Variants in RANBP10 observed in about 807,000 individuals in gnomAD.
RANBP10 encodes the protein ran-binding protein 10.
A neutral mutation model predicts 72.8 loss-of-function variants in RANBP10; 24 were observed. That is an observed-to-expected ratio of 0.33 (90% CI 0.24 to 0.46). RANBP10 has a LOEUF of 0.46. RANBP10 is among the 20% of genes least tolerant of loss of function. The probability of loss-of-function intolerance (pLI) is 1.00; values close to 1 mark genes in which losing one functional copy is unlikely to be tolerated. For synonymous variants in RANBP10, 310 were observed against 322.3 expected, an observed-to-expected ratio of 0.96 and a Z score of 0.41; for missense variants, 679 against 817.5, an observed-to-expected ratio of 0.83 and a Z score of 2.07.
At chr16:67,785,499 A>G (rs1012263998) in intron 2 of RANBP10, among the ~76,000 whole-genome samples, 1 of 152,034 alleles carries the variant, frequency 6.6e-6, no homozygotes, top group East Asian at 1.9e-4. Flanking sequence ...AGGCTGAGGC[A>G]GGCGGACCAC....
At chr16:67,788,183 T>C (rs1331398726) in intron 2 of RANBP10, among the ~76,000 whole-genome samples, 11 of 151,920 alleles carry the variant, frequency 7.2e-5, no homozygotes, top group African/African-American at 1.9e-4. Context: ...GGAACTTTGA[T>C]TGACTGACTG....
At chr16:67,799,268 T>C (rs9928531) in intron 2 of RANBP10, among the ~76,000 whole-genome samples, 44,271 of 149,324 alleles carry the variant, frequency 0.3, 9,863 homozygotes, top group African/African-American at 0.63. Context: ...CGACCTCATG[T>C]TCTGCGCTCC....
intron 4 of RANBP10, among the ~76,000 whole-genome samples, chr16:67,740,098 CTTT>C (rs892700613): frequency 1.9e-4 from 25 of 131,258 alleles, no homozygotes; most frequent in African/African-American, 6.5e-4. Context: ...CAGGTTCACA[CTTT>C]TTTTTTTTTT....
chr16:67,740,306 C>T (rs546825663), intron 4 of RANBP10, among the ~76,000 whole-genome samples: 13 of 152,002 alleles, frequency 8.6e-5, no homozygotes, highest in African/African-American at 2.9e-4. Flanking sequence ...GGGGTTTCAC[C>T]GTGTTAGCCA....
At chr16:67,761,849 G>A (rs2054400897) in intron 3 of RANBP10, among the ~76,000 whole-genome samples, 1 of 152,136 alleles carries the variant, frequency 6.6e-6, no homozygotes, top group Non-Finnish European at 1.5e-5. Flanking sequence ...GGAGTTATAG[G>A]CGTAAGCCAC....
rs187614791 is a variant in RANBP10 at position 67,781,648 on chromosome 16, G to A, written c.348-9562C>T. Among the ~76,000 whole-genome samples the A allele has an allele frequency of 6.0e-4, 92 of 152,292 alleles. 1 individual carries two copies. In the East Asian group the frequency reaches 0.014, roughly 24 times the overall value. On this transcript the variant is annotated intron_variant, in intron 2 of 13. Coordinates refer to ENST00000317506, the MANE Select transcript of RANBP10 (RefSeq NM_020850.3). ...GAGGTGAGACAGGAAGCACAGAGAG[G>A]CAACAGACAAGCTCTTCGTGGCAGT...
In RANBP10 at chr16:67,729,384, G is replaced by C. The variant is rs113153588; in HGVS notation, c.1248C>G (p.Ser416=). 6 of 1,613,482 alleles carry C rather than the reference G, an allele frequency of 3.7e-6. No homozygotes were observed. The highest frequency in any genetic ancestry group is 1.3e-5 in the African/African-American group (1 of 74,874). The change falls in exon 10 of 14, where the codon TCC becomes TCG. Residue 416 remains serine, a synonymous_variant. Transcript: ENST00000317506. The surrounding 1 kb of genome is among the most constrained non-coding windows in gnomAD (Gnocchi z 7.1). ...PAPSSSSSSS[S]SSSSSSPSSV... ...AGGATGGGGAAGAGGACGAGGAGGA[G>C]GAGGAGGACGAGGATGAGGAGCTGG...
chr16:67,792,976 C>G (rs2055056546), intron 2 of RANBP10, among the ~76,000 whole-genome samples: 2 of 152,024 alleles, frequency 1.3e-5, no homozygotes, highest in South Asian at 4.2e-4. Context: ...GCAGGTTACA[C>G]ATCCTTGGTT....
At chr16:67,806,217 G>T in intron 1 of RANBP10, 85 bp downstream of exon 1, 1 of 1,296,004 alleles carries the variant, frequency 7.7e-7, no homozygotes. Context: ...GGCAGGGAAA[G>T]GGAGGTGATA....
At chr16:67,779,513 T>C (rs1038981548) in intron 2 of RANBP10, among the ~76,000 whole-genome samples, 1 of 152,152 alleles carries the variant, frequency 6.6e-6, no homozygotes, top group African/African-American at 2.4e-5. Flanking sequence ...CATTCTCCTG[T>C]ACACATACTG....
At chr16:67,754,911 G>A (rs968341437) in intron 3 of RANBP10, among the ~76,000 whole-genome samples, 14 of 152,202 alleles carry the variant, frequency 9.2e-5, no homozygotes, top group African/African-American at 3.4e-4. Flanking sequence ...ATGTCTACTT[G>A]TAGGAAACAT....
rs1204079272 is a variant in RANBP10 at position 67,725,217 on chromosome 16, T to C, written c.*1211A>G. The stretch of plus-strand genomic sequence containing the variant: ...AGCTGCAGGGAGCTGTCTGGCACAG[T>C]GGCAGTGAAGTCTGGCCTAGGGGAC... On this transcript the variant is annotated 3_prime_UTR_variant, in exon 14 of 14. Coordinates refer to ENST00000317506, the MANE Select transcript of RANBP10 (RefSeq NM_020850.3). The C allele has an allele frequency of 6.6e-6, 1 of 152,552 alleles. No individual in the cohort carries two copies. The highest frequency in any genetic ancestry group is 1.5e-5 in the Non-Finnish European group (1 of 68,116). The allele number at this position is 152,552 out of a possible 1,614,324, so 9.4% of individuals were successfully genotyped here. A position where few individuals can be genotyped will look rare whatever the true frequency, so the allele number is the denominator to read the frequency against.
rs572663897 is a variant in RANBP10 at position 67,726,319 on chromosome 16, G to A, written c.*109C>T. The A allele has an allele frequency of 3.9e-5, 59 of 1,512,924 alleles. No individual in the cohort carries two copies. In the Admixed American group the frequency reaches 4.7e-4, roughly 12 times the overall value. 93.7% of individuals were successfully genotyped at this position (1,512,924 alleles called of 1,614,324 possible). On this transcript the variant is annotated 3_prime_UTR_variant, in exon 14 of 14. Transcript: ENST00000317506. Reference sequence around the variant, plus strand: ...GGGGGAAAGGCCAGGCAGGAGGAGTGGACTCTGTCTATGGTTTCCCAGTCC... The same window carrying A: ...GGGGGAAAGGCCAGGCAGGAGGAGTAGACTCTGTCTATGGTTTCCCAGTCC...
intron 2 of RANBP10, among the ~76,000 whole-genome samples, chr16:67,792,720 T>A (rs957799327): frequency 1.5e-4 from 22 of 150,778 alleles, no homozygotes; most frequent in Admixed American, 3.3e-4. Flanking sequence ...GAGTCAGAGG[T>A]TGCAGTGAGC....
chr16:67,793,111 G>A (rs895923439), intron 2 of RANBP10, among the ~76,000 whole-genome samples: 2 of 152,006 alleles, frequency 1.3e-5, no homozygotes, highest in African/African-American at 4.8e-5. Context: ...TAATGCCCCA[G>A]CTTAATTTGA....
At chr16:67,767,793 T>C (rs547693373) in intron 3 of RANBP10, among the ~76,000 whole-genome samples, 3 of 151,966 alleles carry the variant, frequency 2.0e-5, no homozygotes, top group East Asian at 1.9e-4. Context: ...AGATGGGATT[T>C]CACCGTGTTA....
intron 2 of RANBP10, among the ~76,000 whole-genome samples, chr16:67,800,123 A>AAACAAC (rs893518767): frequency 6.6e-6 from 1 of 151,886 alleles, no homozygotes; most frequent in Non-Finnish European, 1.5e-5. Context: ...TCTGTTTCAA[A>AAACAAC]AACAACAACA....
chr16:67,732,834 T>G (rs1361806157), intron 6 of RANBP10, among the ~76,000 whole-genome samples: 1 of 146,794 alleles, frequency 6.8e-6, no homozygotes, highest in Non-Finnish European at 1.5e-5. Context: ...GATCACAAGG[T>G]CAGGAGATCA....
chr16:67,743,916 A>C (rs1296876688), intron 4 of RANBP10, among the ~76,000 whole-genome samples: 1 of 152,184 alleles, frequency 6.6e-6, no homozygotes, highest in East Asian at 1.9e-4. Flanking sequence ...CTCCACAGCA[A>C]CCAGCACCAA....
Sources: allele counts gnomAD v4.1 joint callset (sites outside exome capture counted in the v4.1 genomes callset), GRCh38; gene constraint gnomAD v4.1.1; non-coding constraint Gnocchi (gnomAD v3.1); transcripts MANE v1.5; gene names NCBI Gene and HGNC (gene_info 2026-07-23, HGNC 2026-07-21).